DLG2: variants seen among roughly 807,000 people sequenced by gnomAD.
The protein encoded by DLG2 is discs large MAGUK scaffold protein 2, also known as disks large homolog 2.
Under a neutral mutation model 132.5 loss-of-function variants are expected in DLG2, and 45 were observed. The ratio of observed to expected loss-of-function variants is 0.34; its 90% confidence interval spans 0.27 to 0.44. The LOEUF (loss-of-function observed/expected upper bound fraction) is 0.44. Among genes scored for constraint, DLG2 ranks in the 20% least tolerant of loss-of-function variants. The probability of loss-of-function intolerance (pLI) is 1.00; values close to 1 mark genes in which losing one functional copy is unlikely to be tolerated. For synonymous variants in DLG2, 424 were observed against 419.6 expected (o/e 1.01, Z -0.13); for missense variants, 1,045 against 1,196.9 (o/e 0.87, Z 1.87).
intron 3 of DLG2, among the ~76,000 whole-genome samples, chr11:85,554,767 T>C (rs556158607): frequency 1.1e-4 from 17 of 151,274 alleles, no homozygotes; most frequent in African/African-American, 3.4e-4. Context: ...ACTTCCCCAA[T>C]TGCTCCTATA....
chr11:83,881,086 T>C (rs185584472), intron 15 of DLG2, among the ~76,000 whole-genome samples: 52 of 152,222 alleles, frequency 3.4e-4, no homozygotes, highest in African/African-American at 1.2e-3. Context: ...TTTGCACCAA[T>C]CTAATATTTA....
At chr11:85,082,089 T>C (rs965904464) in intron 6 of DLG2, among the ~76,000 whole-genome samples, 4 of 152,188 alleles carry the variant, frequency 2.6e-5, no homozygotes, top group Admixed American at 2.6e-4. Context: ...CTTAGGTCTT[T>C]ATTCTGATAA....
chr11:85,498,738 C>A (rs988256338), intron 3 of DLG2, among the ~76,000 whole-genome samples: 5 of 152,176 alleles, frequency 3.3e-5, no homozygotes, highest in African/African-American at 1.2e-4. Flanking sequence ...GTCTCTCAGA[C>A]CACAGTGCAA....
chr11:84,972,776 T>C (rs910453111), intron 6 of DLG2, among the ~76,000 whole-genome samples: 1 of 152,014 alleles, frequency 6.6e-6, no homozygotes, highest in African/African-American at 2.4e-5. Flanking sequence ...CTTTCCCTCA[T>C]GCCATCCCTC....
In DLG2 at chr11:84,494,226, C is replaced by G. The variant is rs58339480; in HGVS notation, c.519+40344G>C. Among the ~76,000 whole-genome samples, 211 of 152,276 alleles carry G rather than the reference C, an allele frequency of 1.4e-3. 1 individual carries two copies. Among genetic ancestry groups the G allele is most frequent in the African/African-American group, 4.9e-3 (202 of 41,572 alleles). On this transcript the variant is annotated intron_variant, in intron 7 of 27. Transcript: ENST00000376104. ...TGGTCAAGAAAAAGCAAAGATAATA[C>G]ATGTGCTTCTTAGCTCTTAATCGGA...
chr11:84,201,310 G>A (rs960303789), intron 8 of DLG2, among the ~76,000 whole-genome samples: 5 of 152,124 alleles, frequency 3.3e-5, no homozygotes, highest in African/African-American at 9.7e-5. Context: ...TGACTGTAAT[G>A]GATAAGCTTT....
intron 17 of DLG2, among the ~76,000 whole-genome samples, chr11:83,827,171 T>C (rs1009341597): frequency 2.0e-5 from 3 of 152,042 alleles, no homozygotes; most frequent in Admixed American, 1.3e-4. Flanking sequence ...ATCGAAGAAA[T>C]AATTTTGGAC....
At chr11:85,403,490 A>T (rs2088396812) in intron 3 of DLG2, among the ~76,000 whole-genome samples, 1 of 151,894 alleles carries the variant, frequency 6.6e-6, no homozygotes, top group African/African-American at 2.4e-5. Flanking sequence ...AAAGTATAAT[A>T]AAAAAAATTA....
At chr11:84,847,843 C>T (rs1445661738) in intron 6 of DLG2, among the ~76,000 whole-genome samples, 2 of 152,028 alleles carry the variant, frequency 1.3e-5, no homozygotes, top group African/African-American at 4.8e-5. Flanking sequence ...ATGGGTGTGC[C>T]TTCTGTCTCA....
In DLG2 at chr11:85,537,915, G is replaced by A. The variant is rs377212340; in HGVS notation, c.40+60742C>T. On this transcript the variant is annotated intron_variant, in intron 3 of 27. Coordinates refer to ENST00000376104, the MANE Select transcript of DLG2 (RefSeq NM_001142699.3). Reference sequence around the variant, plus strand: ...GTGGATCATGAGGTCAGGAGATTGAGACCATCCAGGCTAACACAGTGAAAC... The same window carrying A: ...GTGGATCATGAGGTCAGGAGATTGAAACCATCCAGGCTAACACAGTGAAAC... Among the ~76,000 whole-genome samples the A allele has an allele frequency of 5.3e-4, 80 of 152,000 alleles. 2 individuals carry two copies. The highest frequency in any genetic ancestry group is 1.9e-3 in the African/African-American group (79 of 41,288).
chr11:84,104,694 T>C (rs2092780643), intron 9 of DLG2, among the ~76,000 whole-genome samples: 1 of 152,094 alleles, frequency 6.6e-6, no homozygotes. Context: ...ACATTTAAAA[T>C]GACTTAATTT....
At chr11:83,802,666 A>C (rs1355607766) in intron 17 of DLG2, among the ~76,000 whole-genome samples, 2 of 152,212 alleles carry the variant, frequency 1.3e-5, no homozygotes, top group African/African-American at 4.8e-5. Context: ...ATAATGGAAT[A>C]CTATGCAGTC....
At chr11:85,061,085 T>G (rs1003600419) in intron 6 of DLG2, among the ~76,000 whole-genome samples, 3 of 151,756 alleles carry the variant, frequency 2.0e-5, no homozygotes, top group African/African-American at 7.2e-5. Flanking sequence ...TTAATTTTTT[T>G]GCTTTTGAGT....
chr11:85,382,327 C>A (rs957533515), intron 3 of DLG2, among the ~76,000 whole-genome samples: 3 of 152,026 alleles, frequency 2.0e-5, no homozygotes, highest in Non-Finnish European at 2.9e-5. Context: ...GCAAAGGAAT[C>A]AATTTGAACC....
chr11:84,365,834 T>A (rs2098679013), intron 7 of DLG2, among the ~76,000 whole-genome samples: 1 of 152,130 alleles, frequency 6.6e-6, no homozygotes, highest in Non-Finnish European at 1.5e-5. Flanking sequence ...AATCTATGTC[T>A]GATTGGTGTA....
At position 83,469,400 on chromosome 11, in the gene DLG2, T is replaced by A. The variant is rs765399795; in HGVS notation, c.2447-27A>T. On this transcript the variant is annotated intron_variant, in intron 24 of 27. Transcript: ENST00000376104. Reference sequence around the variant, plus strand: ...TTTATAAAACAAAAAATGATAAAATTAAGGTGCATTTATACCCATAAACTT... The same window carrying A: ...TTTATAAAACAAAAAATGATAAAATAAAGGTGCATTTATACCCATAAACTT... The A allele has an allele frequency of 3.8e-6, 6 of 1,586,448 alleles. No homozygotes were observed. The Admixed American group carries it at 1.1e-4, about 28-fold the overall frequency.
chr11:85,583,126 GTGTGTATATATA>G (rs1241009864), intron 3 of DLG2, among the ~76,000 whole-genome samples: 94 of 34,300 alleles, frequency 2.7e-3, no homozygotes, highest in African/African-American at 7.7e-3. Flanking sequence ...GTGTGTGTGT[GTGTGTATATATA>G]TATATATATA....
chr11:84,698,421 A>C (rs2058845485), intron 6 of DLG2, among the ~76,000 whole-genome samples: 2 of 151,560 alleles, frequency 1.3e-5, no homozygotes, highest in South Asian at 4.1e-4. Context: ...AGGTCCAGAA[A>C]GATTAATCTA....
intron 6 of DLG2, among the ~76,000 whole-genome samples, chr11:85,055,345 T>C (rs1364284324): frequency 6.6e-6 from 1 of 152,142 alleles, no homozygotes; most frequent in African/African-American, 2.4e-5. Flanking sequence ...AAAGGATGGA[T>C]TATAAAAAAT....
Sources: allele counts gnomAD v4.1 joint callset (sites outside exome capture counted in the v4.1 genomes callset), GRCh38; gene constraint gnomAD v4.1.1; transcripts MANE v1.5; gene names NCBI Gene and HGNC (gene_info 2026-07-23, HGNC 2026-07-21).